Variants in RANBP2 observed in about 807,000 individuals in gnomAD.
The protein encoded by RANBP2 is E3 SUMO-protein ligase RanBP2.
In RANBP2, 57 loss-of-function variants were observed where a neutral mutation model predicts 303.6. The observed-to-expected ratio is 0.19, with a 90% confidence interval of 0.15 to 0.23. The LOEUF (loss-of-function observed/expected upper bound fraction) is 0.23, where lower values mean the gene tolerates loss of function less well. Among genes scored for constraint, RANBP2 ranks in the 10% least tolerant of loss-of-function variants. The pLI is 1.00. For missense variants in RANBP2, 3,138 were observed against 3,780.8 expected (o/e 0.83, Z 4.46); for synonymous variants, 1,167 against 1,301.5 (o/e 0.90, Z 2.23).
chr2:109,066,023 T>G, the RANBP2 span, among the ~76,000 whole-genome samples: 1 of 152,092 alleles, frequency 6.6e-6, no homozygotes, highest in Non-Finnish European at 1.5e-5. Flanking sequence ...CCGTAACCTC[T>G]GCCTCCCGGA....
intron 4 of RANBP2, among the ~76,000 whole-genome samples, chr2:108,732,847 G>A (rs374142880): frequency 2.6e-5 from 4 of 152,008 alleles, no homozygotes; most frequent in Admixed American, 6.5e-5. Context: ...TTTTTGAGAC[G>A]GAGTCTCGCT....
chr2:108,848,318 G>GT, the RANBP2 span, among the ~76,000 whole-genome samples: 1 of 152,166 alleles, frequency 6.6e-6, no homozygotes, highest in South Asian at 2.1e-4. Flanking sequence ...CACCACTTGT[G>GT]TGCAGCAGTT....
the RANBP2 span, among the ~76,000 whole-genome samples, chr2:109,529,588 G>C: frequency 0.012 from 1,868 of 152,328 alleles, 39 homozygotes; most frequent in African/African-American, 0.043. Context: ...GAAAACAGTA[G>C]TGTTTGGGTT....
chr2:109,607,875 G>A, the RANBP2 span, among the ~76,000 whole-genome samples: 1 of 152,072 alleles, frequency 6.6e-6, no homozygotes, highest in Non-Finnish European at 1.5e-5. Flanking sequence ...TTGTCTGGAG[G>A]TATCTATACT....
the RANBP2 span, among the ~76,000 whole-genome samples, chr2:109,422,896 CAT>C: frequency 1.3e-5 from 2 of 152,128 alleles, no homozygotes. Flanking sequence ...GATGTCCTGT[CAT>C]CACCTACAGC....
the RANBP2 span, among the ~76,000 whole-genome samples, chr2:109,751,507 AGATTGTACAGGAGTGGACTCCAGGG>A: frequency 6.8e-5 from 10 of 146,766 alleles, no homozygotes; most frequent in African/African-American, 2.5e-4. Context: ...CAATGGGAGG[AGATTGTACAGGAGTGGACTCCAGGG>A]GACAGAATCT....
At chr2:109,561,068 TC>T in the RANBP2 span, among the ~76,000 whole-genome samples, 6,573 of 152,138 alleles carry the variant, frequency 0.043, 430 homozygotes, top group African/African-American at 0.15. Context: ...AGCGTTGCCT[TC>T]CCCTTAGGAC....
chr2:109,193,854 G>A, the RANBP2 span, among the ~76,000 whole-genome samples: 2 of 152,278 alleles, frequency 1.3e-5, no homozygotes, highest in South Asian at 4.1e-4. Flanking sequence ...GTCTAGCCCC[G>A]GGGATGGGTT....
the RANBP2 span, among the ~76,000 whole-genome samples, chr2:109,321,422 CATACAGTTGTTGA>C: frequency 6.6e-6 from 1 of 152,192 alleles, no homozygotes; most frequent in Non-Finnish European, 1.5e-5. Context: ...GAGTTCAGGG[CATACAGTTGTTGA>C]ATTTTGATTA....
chr2:109,612,044 G>A, the RANBP2 span, among the ~76,000 whole-genome samples: 1 of 152,094 alleles, frequency 6.6e-6, no homozygotes, highest in Non-Finnish European at 1.5e-5. Context: ...AATGTTTATA[G>A]CAGCTTTATT....
At chr2:109,666,556 C>T in the RANBP2 span, among the ~76,000 whole-genome samples, 1 of 152,124 alleles carries the variant, frequency 6.6e-6, no homozygotes, top group South Asian at 2.1e-4. Flanking sequence ...CTTAAATTAA[C>T]CTGAAAATTC....
At chr2:109,075,339 C>G in the RANBP2 span, among the ~76,000 whole-genome samples, 1 of 150,178 alleles carries the variant, frequency 6.7e-6, no homozygotes, top group Non-Finnish European at 1.5e-5. Flanking sequence ...ATTCTCCTGC[C>G]TCAGCCCCCC....
At chr2:109,577,287 C>T in the RANBP2 span, among the ~76,000 whole-genome samples, 1 of 152,070 alleles carries the variant, frequency 6.6e-6, no homozygotes, top group African/African-American at 2.4e-5. Flanking sequence ...TATAATAATA[C>T]CTCGTGTAGT....
chr2:108,750,213 T>TTG, intron 9 of RANBP2, among the ~76,000 whole-genome samples: 1 of 152,398 alleles, frequency 6.6e-6, no homozygotes, highest in South Asian at 2.1e-4. Flanking sequence ...ATCTAAATGG[T>TTG]TGTTTATGTA....
the RANBP2 span, among the ~76,000 whole-genome samples, chr2:109,076,067 A>T: frequency 1.3e-5 from 2 of 150,730 alleles, no homozygotes; most frequent in African/African-American, 4.8e-5. Context: ...CGAATTCATT[A>T]GCACACTAAA....
chr2:109,203,392 G>A, the RANBP2 span, among the ~76,000 whole-genome samples: 1 of 152,198 alleles, frequency 6.6e-6, no homozygotes, highest in Admixed American at 6.5e-5. Context: ...TTGGGAGGGT[G>A]TTTCCGCGTC....
the RANBP2 span, among the ~76,000 whole-genome samples, chr2:108,800,404 A>G: frequency 9.3e-4 from 141 of 152,034 alleles, 2 homozygotes; most frequent in South Asian, 0.011. Context: ...AGCTGGGAAT[A>G]CAGGCGCCCA....
the RANBP2 span, among the ~76,000 whole-genome samples, chr2:109,174,044 G>A: frequency 6.6e-6 from 1 of 152,240 alleles, no homozygotes; most frequent in Admixed American, 6.5e-5. Context: ...CAGCAGTGCG[G>A]TTTGGTGGCT....
the RANBP2 span, among the ~76,000 whole-genome samples, chr2:109,048,978 T>C: frequency 3.9e-5 from 6 of 152,248 alleles, no homozygotes; most frequent in Non-Finnish European, 8.8e-5. Flanking sequence ...CAGTCTTCTC[T>C]CTGTCTCCTT....
Sources: gnomAD v4.1 joint callset for allele counts (sites outside exome capture counted in the v4.1 genomes callset) on GRCh38, gnomAD v4.1.1 for gene constraint, MANE v1.5 for transcripts, NCBI Gene and HGNC (gene_info 2026-07-23, HGNC 2026-07-21) for gene names.